Variants in MYOM2 observed in about 807,000 individuals in gnomAD.
MYOM2 encodes myomesin 2.
Under a neutral mutation model 187.6 loss-of-function variants are expected in MYOM2, and 254 were observed. That is an observed-to-expected ratio of 1.35 (90% CI 1.22 to 1.50). The LOEUF is 1.50. Among genes scored for constraint, MYOM2 ranks in the 40% most tolerant of loss-of-function variants. The pLI is 0.00. For missense variants in MYOM2, 2,796 were observed against 1,924.0 expected (o/e 1.45, Z -8.48); for synonymous variants, 981 against 753.8 (o/e 1.30, Z -4.94).
At chr8:2,060,160 C>G (rs1563419834) in intron 6 of MYOM2, among the ~76,000 whole-genome samples, 1 of 152,142 alleles carries the variant, frequency 6.6e-6, no homozygotes, top group South Asian at 2.1e-4. Context: ...CTTTTTTCAG[C>G]AGTAGTATCT....
At chr8:2,094,876 C>G (rs536203962) in intron 17 of MYOM2, among the ~76,000 whole-genome samples, 1 of 152,094 alleles carries the variant, frequency 6.6e-6, no homozygotes, top group African/African-American at 2.4e-5. Context: ...TCTCAGGGAC[C>G]GTCCCTAGAA....
intron 3 of MYOM2, 63 bp from the exon 4 acceptor site, chr8:2,057,285 T>C (rs1295224394): frequency 2.6e-6 from 4 of 1,545,374 alleles, no homozygotes; most frequent in Non-Finnish European, 3.5e-6. Context: ...CTTTCCGGCC[T>C]TCGGGGGCCA....
At chr8:2,102,887 G>C (rs899776296) in intron 21 of MYOM2, 106 bp downstream of exon 21, 8 of 869,912 alleles carry the variant, frequency 9.2e-6, no homozygotes, top group Non-Finnish European at 1.5e-5. Flanking sequence ...GTGGGAGAGT[G>C]AACACGTGTT....
In MYOM2 at chr8:2,069,355, T is replaced by G. The variant is rs1411464203; in HGVS notation, c.731T>G (p.Val244Gly). 1 of 1,613,796 alleles carries G rather than the reference T, an allele frequency of 6.2e-7. No individual in the cohort carries two copies. The highest frequency in any genetic ancestry group is 1.3e-5 in the African/African-American group (1 of 74,996). ...GGACAAGTGTCCACCAACGCGGCGG[T>G]GGTGGTGAGAAGTGAGTGCCGGGTG... ...AHGQVSTNAA[V>G]VVRRFRGDEE... Residue 244 changes from valine to glycine, a missense_variant, in exon 7 of 37, where the codon GTG (valine) becomes GGG (glycine). By Grantham distance (109) the Val-to-Gly change is moderately radical (BLOSUM62 -3). Coordinates refer to ENST00000262113, the MANE Select transcript of MYOM2 (RefSeq NM_003970.4).
intron 25 of MYOM2, 59 bp downstream of exon 25, chr8:2,109,590 G>A (rs1797002635): frequency 6.6e-7 from 1 of 1,525,572 alleles, no homozygotes; most frequent in South Asian, 1.2e-5. Context: ...GTTGTGGTAG[G>A]TCAGTTACTG....
intron 32 of MYOM2, among the ~76,000 whole-genome samples, chr8:2,133,495 C>G (rs1797947538): frequency 6.6e-6 from 1 of 152,232 alleles, no homozygotes; most frequent in South Asian, 2.1e-4. Context: ...GAGTGTTGCT[C>G]TGTCACCCAG....
chr8:2,142,315 T>C, intron 34 of MYOM2, 60 bp from the exon 35 acceptor site: 1 of 1,537,732 alleles, frequency 6.5e-7, no homozygotes. Flanking sequence ...TGCATTTTGT[T>C]GGAAGCATTT....
At position 2,123,551 on chromosome 8, in the gene MYOM2, G is replaced by A. The variant is rs1797531265; in HGVS notation, c.3568-4G>A. ...CATAAATATGGAATGTGTTTTCTTT[G>A]TAGTTGTCAAAGAAGGACCACGGTG... On this transcript the variant is annotated splice_region_variant and splice_polypyrimidine_tract_variant and intron_variant, in intron 29 of 36. Coordinates refer to ENST00000262113, the MANE Select transcript of MYOM2 (RefSeq NM_003970.4). The A allele has an allele frequency of 2.5e-6, 4 of 1,612,652 alleles. No individual in the cohort carries two copies. The highest frequency in any genetic ancestry group is 2.5e-6 in the Non-Finnish European group (3 of 1,178,758).
Position 2,133,474 on chromosome 8 carries a change from C to T in MYOM2, c.3800+4242C>T, listed in dbSNP as rs144572156. Among the ~76,000 whole-genome samples, 360 of 152,254 alleles carry T rather than the reference C, an allele frequency of 2.4e-3. 1 individual carries two copies. The highest frequency in any genetic ancestry group is 4.9e-3 in the Admixed American group (75 of 15,294). On this transcript the variant is annotated intron_variant, in intron 32 of 36. Coordinates refer to ENST00000262113, the MANE Select transcript of MYOM2 (RefSeq NM_003970.4). ...TCTTGTGCTTCCATCTACCTGCCTC[C>T]GACAGAGTCGGAGTGTTGCTCTGTC... is the stretch of plus-strand genomic sequence containing the variant.
chr8:2,087,822 T>G (rs1338537766), intron 14 of MYOM2, among the ~76,000 whole-genome samples: 3 of 152,160 alleles, frequency 2.0e-5, no homozygotes, highest in African/African-American at 7.2e-5. Flanking sequence ...GGTCTCGCCA[T>G]GTTGCCCAGG....
chr8:2,083,174 G>A (rs1011030644), intron 13 of MYOM2, among the ~76,000 whole-genome samples: 16 of 152,100 alleles, frequency 1.1e-4, no homozygotes. Context: ...AATACAAAAA[G>A]CATGTGTGTT....
In MYOM2 at chr8:2,066,887, T is replaced by C. The variant is rs140607443; in HGVS notation, c.654-2391T>C. Among the ~76,000 whole-genome samples, 216 of 152,314 alleles carry C rather than the reference T, an allele frequency of 1.4e-3. 2 individuals carry two copies. Among genetic ancestry groups the C allele is most frequent in the African/African-American group, 4.9e-3 (202 of 41,560 alleles). ...GGACAGCAGCGTAGCTTCTAATGAG[T>C]TCAGGCTAGAATTGTAGCTTTGCTG... On this transcript the variant is annotated intron_variant, in intron 6 of 36. Coordinates refer to ENST00000262113, the MANE Select transcript of MYOM2 (RefSeq NM_003970.4).
chr8:2,083,546 C>G (rs946538083), intron 13 of MYOM2, among the ~76,000 whole-genome samples: 2 of 152,182 alleles, frequency 1.3e-5, no homozygotes, highest in African/African-American at 4.8e-5. Context: ...CTTGCGTGTG[C>G]TTAGCGGTGT....
At chr8:2,097,446 T>G (rs1376257563) in intron 18 of MYOM2, among the ~76,000 whole-genome samples, 2 of 152,216 alleles carry the variant, frequency 1.3e-5, no homozygotes, top group African/African-American at 2.4e-5. Flanking sequence ...ATCAAGCCAA[T>G]TAACATCTCC....
chr8:2,116,335 G>T (rs1347624620), intron 27 of MYOM2, 60 bp downstream of exon 27: 1 of 1,488,686 alleles, frequency 6.7e-7, no homozygotes, highest in South Asian at 1.2e-5. Context: ...GATGATTGGA[G>T]TATTTGTCAG....
rs1190944922 is a variant in MYOM2, at chr8:2,086,440, C to A, written c.1644+1050C>A. Among the ~76,000 whole-genome samples the A allele has an allele frequency of 7.5e-5, 11 of 145,834 alleles. No individual in the cohort carries two copies. In the South Asian group the frequency reaches 8.7e-4, roughly 12 times the overall value. Reference sequence around the variant, plus strand: ...CCCACTGTTGTGATCTCTGCGTGGCCCCCTACTGTCGTGATCTCCACGTGG... The same window carrying A: ...CCCACTGTTGTGATCTCTGCGTGGCACCCTACTGTCGTGATCTCCACGTGG... On this transcript the variant is annotated intron_variant, in intron 14 of 36. Transcript: ENST00000262113.
chr8:2,115,751 C>T (rs1003743246), intron 25 of MYOM2, among the ~76,000 whole-genome samples: 1 of 152,234 alleles, frequency 6.6e-6, no homozygotes, highest in African/African-American at 2.4e-5. Flanking sequence ...CAGATCTCCT[C>T]ACACAGCCAG....
At chr8:2,139,479 T>C (rs571825500) in intron 32 of MYOM2, among the ~76,000 whole-genome samples, 1 of 152,260 alleles carries the variant, frequency 6.6e-6, no homozygotes, top group East Asian at 1.9e-4. Context: ...ATATATTTGT[T>C]GAAGGAAAGA....
chr8:2,084,527 G>A (rs974909741), intron 13 of MYOM2, among the ~76,000 whole-genome samples: 3 of 152,058 alleles, frequency 2.0e-5, no homozygotes, highest in African/African-American at 7.2e-5. Flanking sequence ...TGTGGGTCTG[G>A]AAAAACCTCC....
Sources: allele counts gnomAD v4.1 joint callset (sites outside exome capture counted in the v4.1 genomes callset), GRCh38; gene constraint gnomAD v4.1.1; transcripts MANE v1.5; gene names NCBI Gene and HGNC (gene_info 2026-07-23, HGNC 2026-07-21).